The following OPCML variants were observed in gnomAD, a reference collection of about 807,000 sequenced individuals.
OPCML encodes the protein opioid-binding protein/cell adhesion molecule.
In OPCML, 13 loss-of-function variants were observed where a neutral mutation model predicts 37.8. That is an observed-to-expected ratio of 0.34 (90% CI 0.22 to 0.55). OPCML has a LOEUF of 0.55. Ranked by LOEUF, OPCML falls within the 20% of genes least tolerant of loss-of-function variation. The pLI is 0.91. For synonymous variants in OPCML, 176 were observed against 168.8 expected (o/e 1.04, Z -0.33); for missense variants, 341 against 435.6 (o/e 0.78, Z 1.93).
At chr11:133,501,785 ACCT>A (rs981662600) in intron 1 of OPCML, among the ~76,000 whole-genome samples, 37 of 151,308 alleles carry the variant, frequency 2.4e-4, no homozygotes, top group African/African-American at 8.5e-4. Context: ...GAGTCACATA[ACCT>A]CCTCCACAGG....
At chr11:132,830,873 A>C (rs1477074840) in intron 2 of OPCML, among the ~76,000 whole-genome samples, 1 of 152,240 alleles carries the variant, frequency 6.6e-6, no homozygotes, top group East Asian at 1.9e-4. Flanking sequence ...CTTTTCCCCC[A>C]GCAGTCTTGA....
intron 1 of OPCML, among the ~76,000 whole-genome samples, chr11:133,373,448 T>TATATATATATATATACAC (rs966091785): frequency 1.5e-5 from 2 of 132,178 alleles, no homozygotes; most frequent in African/African-American, 6.3e-5. Context: ...TATATATATA[T>TATATATATATATATACAC]ACACACACAC....
chr11:132,956,735 T>C (rs80141040), intron 1 of OPCML, among the ~76,000 whole-genome samples: 10 of 152,300 alleles, frequency 6.6e-5, no homozygotes, highest in African/African-American at 2.2e-4. Context: ...AGCACTGACA[T>C]TGTATTCTGT....
At chr11:132,772,698 A>G (rs1334004842) in intron 2 of OPCML, 7 of 152,196 alleles carry the variant, frequency 4.6e-5, no homozygotes, top group Admixed American at 4.6e-4. Context: ...CATTTCACAT[A>G]GTGAGGTTGT....
chr11:133,268,512 C>T (rs1288131959), intron 1 of OPCML, among the ~76,000 whole-genome samples: 1 of 152,142 alleles, frequency 6.6e-6, no homozygotes, highest in Non-Finnish European at 1.5e-5. Context: ...AATAAAATGT[C>T]TAGCAATTAA....
chr11:132,690,886 A>G lies in OPCML; in HGVS notation c.147-33567T>C, dbSNP rs80308961. Among the ~76,000 whole-genome samples, 294 of 152,350 alleles carry G rather than the reference A, an allele frequency of 1.9e-3. 2 individuals are homozygous for G. Among genetic ancestry groups the G allele is most frequent in the African/African-American group, 6.9e-3 (285 of 41,584 alleles). ...AGCTTTCAGTTTAAAAGGAAATATC[A>G]TAAGAAATTAAGAGATTCCATATAG... On this transcript the variant is annotated intron_variant, in intron 2 of 7. Transcript: ENST00000524381.
At chr11:133,136,760 C>T (rs561818574) in intron 1 of OPCML, among the ~76,000 whole-genome samples, 26 of 151,374 alleles carry the variant, frequency 1.7e-4, no homozygotes, top group African/African-American at 5.8e-4. Context: ...GGATGTGGCT[C>T]GATTTCGAAG....
chr11:132,860,657 G>A (rs1222861582), intron 2 of OPCML: 1 of 152,118 alleles, frequency 6.6e-6, no homozygotes, highest in Non-Finnish European at 1.5e-5. Flanking sequence ...AGGGACTGAG[G>A]CAGCAGGAAA....
intron 4 of OPCML, among the ~76,000 whole-genome samples, chr11:132,447,525 GT>G (rs2096058638): frequency 6.6e-6 from 1 of 151,538 alleles, no homozygotes; most frequent in Non-Finnish European, 1.5e-5. Context: ...GCCCAGGCTG[GT>G]CTCGAACTCC....
chr11:132,536,517 TTTTAC>T (rs1369223478), intron 3 of OPCML, among the ~76,000 whole-genome samples: 4 of 152,168 alleles, frequency 2.6e-5, no homozygotes, highest in African/African-American at 7.2e-5. Flanking sequence ...TTATTATTGT[TTTTAC>T]TTTATTGTTG....
At chr11:132,608,847 A>G (rs924579024) in intron 3 of OPCML, among the ~76,000 whole-genome samples, 1 of 152,270 alleles carries the variant, frequency 6.6e-6, no homozygotes, top group Admixed American at 6.5e-5. Context: ...GAATCTGATC[A>G]CCGCATCATC....
intron 1 of OPCML, among the ~76,000 whole-genome samples, chr11:133,033,997 T>G (rs1289366975): frequency 6.6e-6 from 1 of 152,210 alleles, no homozygotes; most frequent in Non-Finnish European, 1.5e-5. Context: ...ACTGACACCC[T>G]TTATTACTTC....
intron 2 of OPCML, among the ~76,000 whole-genome samples, chr11:132,850,283 G>T (rs1012178889): frequency 4.6e-5 from 7 of 152,126 alleles, no homozygotes; most frequent in Non-Finnish European, 1.5e-5. Flanking sequence ...TCCTTCCTGT[G>T]CACCAATCAG....
intron 2 of OPCML, among the ~76,000 whole-genome samples, chr11:132,876,629 T>C (rs1479801497): frequency 3.3e-5 from 5 of 152,214 alleles, no homozygotes; most frequent in African/African-American, 1.2e-4. Flanking sequence ...GCTTATTCTA[T>C]TAAGCAGAAA....
chr11:132,485,885 C>T (rs1028480732), intron 4 of OPCML, among the ~76,000 whole-genome samples: 5 of 152,138 alleles, frequency 3.3e-5, no homozygotes. Context: ...CAGATCCACT[C>T]ATTTCTCTTA....
intron 4 of OPCML, among the ~76,000 whole-genome samples, chr11:132,477,406 G>C (rs946063402): frequency 6.6e-6 from 1 of 152,210 alleles, no homozygotes; most frequent in Non-Finnish European, 1.5e-5. Context: ...GCACACTGGG[G>C]ATGAGGACTT....
chr11:132,571,739 G>A (rs1429693492), intron 3 of OPCML, among the ~76,000 whole-genome samples: 1 of 152,120 alleles, frequency 6.6e-6, no homozygotes, highest in Non-Finnish European at 1.5e-5. Context: ...ACAAGGAAGT[G>A]TTTATATCTC....
chr11:132,727,404 C>G (rs74681706), intron 2 of OPCML, among the ~76,000 whole-genome samples: 1 of 152,146 alleles, frequency 6.6e-6, no homozygotes, highest in Non-Finnish European at 1.5e-5. Flanking sequence ...ATTCAGAAAA[C>G]AAACAGGCGT....
chr11:133,140,186 C>CGATAATAATAAT (rs375572737), intron 1 of OPCML, among the ~76,000 whole-genome samples: 2 of 124,802 alleles, frequency 1.6e-5, no homozygotes, highest in Admixed American at 8.5e-5. Flanking sequence ...GACTCCGTCT[C>CGATAATAATAAT]AATAATAATA....
Sources: allele counts gnomAD v4.1 joint callset (sites outside exome capture counted in the v4.1 genomes callset), GRCh38; gene constraint gnomAD v4.1.1; transcripts MANE v1.5; gene names NCBI Gene and HGNC (gene_info 2026-07-23, HGNC 2026-07-21).